Variants in KCNIP4 observed in about 807,000 individuals in gnomAD.
KCNIP4 encodes the protein Kv channel-interacting protein 4.
Under a neutral mutation model 34.0 loss-of-function variants are expected in KCNIP4, and 12 were observed. That is an observed-to-expected ratio of 0.35 (90% CI 0.23 to 0.57). KCNIP4 has a LOEUF of 0.57. KCNIP4 is among the 20% of genes least tolerant of loss of function. KCNIP4 has a pLI of 0.83. For synonymous variants in KCNIP4, 124 were observed against 102.2 expected (o/e 1.21, Z -1.29); for missense variants, 238 against 311.7 (o/e 0.76, Z 1.78).
intron 1 of KCNIP4, among the ~76,000 whole-genome samples, chr4:21,112,054 T>TATCTATCTATCTATCC (rs1577713289): frequency 2.0e-5 from 3 of 152,052 alleles, no homozygotes; most frequent in African/African-American, 4.8e-5. Context: ...TCTATCTATC[T>TATCTATCTATCTATCC]ATCTATCTAT....
intron 1 of KCNIP4, among the ~76,000 whole-genome samples, chr4:21,727,953 C>T (rs944999731): frequency 3.9e-5 from 6 of 152,156 alleles, no homozygotes; most frequent in African/African-American, 1.4e-4. Flanking sequence ...ACAGGCCAGG[C>T]ATTTCTTGCA....
chr4:20,904,787 AT>A (rs1560558041), intron 1 of KCNIP4, among the ~76,000 whole-genome samples: 2 of 152,188 alleles, frequency 1.3e-5, no homozygotes, highest in Non-Finnish European at 2.9e-5. Context: ...TTCAAATTTG[AT>A]TTCCTTTCTG....
chr4:21,443,291 G>C (rs948742976), intron 1 of KCNIP4, among the ~76,000 whole-genome samples: 3 of 152,114 alleles, frequency 2.0e-5, no homozygotes, highest in Admixed American at 6.5e-5. Flanking sequence ...TGGCCTGAAA[G>C]TCCTGACACT....
At chr4:21,920,378 C>G (rs1348684771) in intron 1 of KCNIP4, among the ~76,000 whole-genome samples, 2 of 152,118 alleles carry the variant, frequency 1.3e-5, no homozygotes, top group Non-Finnish European at 2.9e-5. Context: ...ACTGTTTACA[C>G]AGAATTTGCC....
chr4:20,867,311 T>C (rs1722973042), intron 2 of KCNIP4, among the ~76,000 whole-genome samples: 1 of 152,084 alleles, frequency 6.6e-6, no homozygotes, highest in Non-Finnish European at 1.5e-5. Context: ...AGCTTGGTAC[T>C]GCTATACACA....
At chr4:20,864,099 CGT>C (rs1722539360) in intron 2 of KCNIP4, among the ~76,000 whole-genome samples, 2 of 146,918 alleles carry the variant, frequency 1.4e-5, no homozygotes, top group African/African-American at 2.5e-5. Context: ...TGCATGTATA[CGT>C]ATGTATGTAT....
rs146188341 is a variant in KCNIP4, at chr4:20,871,876, A to G, written c.163+10732T>C. Among the ~76,000 whole-genome samples, 111 of 152,182 alleles carry G rather than the reference A, an allele frequency of 7.3e-4. No individual in the cohort carries two copies. The East Asian group carries it at 0.016, about 22-fold the overall frequency. ...CAGTCATGTGGCAAAAAATCATAAA[A>G]TCTCCCACAACATTATTAAGTGAAA... On this transcript the variant is annotated intron_variant, in intron 2 of 8. Transcript: ENST00000382152.
At chr4:21,858,022 G>A (rs13148604) in intron 1 of KCNIP4, among the ~76,000 whole-genome samples, 56,353 of 152,122 alleles carry the variant, frequency 0.37, 12,035 homozygotes, top group East Asian at 0.65. Context: ...GGTGGCACCC[G>A]TGATGGTGCC....
intron 1 of KCNIP4, among the ~76,000 whole-genome samples, chr4:21,680,287 T>C (rs1750241004): frequency 1.3e-5 from 2 of 152,220 alleles, no homozygotes; most frequent in African/African-American, 4.8e-5. Flanking sequence ...TTCATCCATT[T>C]AAGTTTGTTC....
intron 1 of KCNIP4, among the ~76,000 whole-genome samples, chr4:21,548,229 G>T (rs116814605): frequency 6.6e-6 from 1 of 151,976 alleles, no homozygotes; most frequent in Non-Finnish European, 1.5e-5. Flanking sequence ...TTTATATTCT[G>T]CAGCATTTCG....
Position 21,882,821 on chromosome 4 carries a change from G to C in KCNIP4, c.61+65750C>G, listed in dbSNP as rs183925142. Among the ~76,000 whole-genome samples the C allele has an allele frequency of 2.9e-4, 44 of 152,238 alleles. 1 individual carries two copies. The highest frequency in any genetic ancestry group is 2.4e-3 in the Admixed American group (37 of 15,270). On this transcript the variant is annotated intron_variant, in intron 1 of 8. Coordinates refer to ENST00000382152, the MANE Select transcript of KCNIP4 (RefSeq NM_025221.6). ...TCATCCATGAGTGACTTTTCCTAAG[G>C]AGGGTCTCAAGAACTTCTTTTCCAG...
intron 1 of KCNIP4, among the ~76,000 whole-genome samples, chr4:21,596,588 A>C (rs1020036155): frequency 6.6e-6 from 1 of 152,170 alleles, no homozygotes; most frequent in Non-Finnish European, 1.5e-5. Flanking sequence ...GGAAAAAATA[A>C]AAACAAAAAA....
chr4:21,552,207 A>G (rs1029350082), intron 1 of KCNIP4, among the ~76,000 whole-genome samples: 1 of 152,064 alleles, frequency 6.6e-6, no homozygotes, highest in African/African-American at 2.4e-5. Flanking sequence ...GGTTACATTC[A>G]TTTGGAAAAA....
chr4:20,888,859 G>A (rs1327267025), intron 1 of KCNIP4, among the ~76,000 whole-genome samples: 12 of 152,066 alleles, frequency 7.9e-5, no homozygotes, highest in Non-Finnish European at 1.3e-4. Context: ...GTTCAAGAGA[G>A]TGAAAATAAG....
intron 1 of KCNIP4, among the ~76,000 whole-genome samples, chr4:21,228,672 C>T (rs927994925): frequency 6.6e-6 from 1 of 152,198 alleles, no homozygotes; most frequent in Non-Finnish European, 1.5e-5. Flanking sequence ...TTGCTTCATT[C>T]AAGGCCAACA....
intron 1 of KCNIP4, among the ~76,000 whole-genome samples, chr4:21,734,413 A>G (rs150708050): frequency 3.9e-5 from 6 of 152,338 alleles, no homozygotes; most frequent in African/African-American, 1.4e-4. Flanking sequence ...TGGAATTCAG[A>G]TAATTGGCAT....
chr4:21,807,178 G>C (rs1044448084), intron 1 of KCNIP4, among the ~76,000 whole-genome samples: 5 of 152,166 alleles, frequency 3.3e-5, no homozygotes, highest in Non-Finnish European at 7.3e-5. Flanking sequence ...GACAGAAGGT[G>C]GTGCTCAGGA....
chr4:21,479,903 T>A (rs35651095), intron 1 of KCNIP4, among the ~76,000 whole-genome samples: 18,939 of 151,654 alleles, frequency 0.12, 1,352 homozygotes, highest in South Asian at 0.22. Flanking sequence ...GGCACGAGAA[T>A]CATTTAAGAA....
intron 3 of KCNIP4, among the ~76,000 whole-genome samples, chr4:20,821,630 C>T (rs1717114215): frequency 6.6e-6 from 1 of 151,982 alleles, no homozygotes; most frequent in Non-Finnish European, 1.5e-5. Flanking sequence ...ATCTCTCACC[C>T]CCTCCCACCC....
Sources: gnomAD v4.1 joint callset for allele counts (sites outside exome capture counted in the v4.1 genomes callset) on GRCh38, gnomAD v4.1.1 for gene constraint, MANE v1.5 for transcripts, NCBI Gene and HGNC (gene_info 2026-07-23, HGNC 2026-07-21) for gene names.